MME: variants seen among roughly 807,000 people sequenced by gnomAD.
MME encodes the protein neprilysin.
Under a neutral mutation model 113.2 loss-of-function variants are expected in MME, and 98 were observed. The ratio of observed to expected loss-of-function variants is 0.87; its 90% CI spans 0.74 to 1.02. MME has a LOEUF of 1.02. MME is among the 50% of genes least tolerant of loss of function. MME has a pLI of 0.00. For missense variants in MME, 836 were observed against 896.0 expected (o/e 0.93, Z 0.86); for synonymous variants, 292 against 300.6 (o/e 0.97, Z 0.30).
chr3:155,041,948 T>G (rs1713336624), intron 1 of MME, among the ~76,000 whole-genome samples: 1 of 152,226 alleles, frequency 6.6e-6, no homozygotes, highest in African/African-American at 2.4e-5. Flanking sequence ...AAGAAAACTC[T>G]AAATATTTCT....
At chr3:155,163,071 A>T (rs1456400831) in intron 17 of MME, among the ~76,000 whole-genome samples, 1 of 151,730 alleles carries the variant, frequency 6.6e-6, no homozygotes, top group Non-Finnish European at 1.5e-5. Context: ...AAATACACAC[A>T]TACCTACCTA....
intron 1 of MME, among the ~76,000 whole-genome samples, chr3:155,055,094 T>A (rs1713881626): frequency 6.6e-6 from 1 of 152,170 alleles, no homozygotes; most frequent in Non-Finnish European, 1.5e-5. Context: ...AGAGGGGTAT[T>A]TATGTGTTCA....
chr3:155,078,814 C>T (rs533157278), upstream of MME, among the ~76,000 whole-genome samples: 3 of 152,030 alleles, frequency 2.0e-5, no homozygotes, highest in South Asian at 6.2e-4. Context: ...CTAAAGGTAG[C>T]TTTTACAAAG....
At chr3:155,160,834 G>A (rs1391643966) in intron 17 of MME, among the ~76,000 whole-genome samples, 1 of 152,026 alleles carries the variant, frequency 6.6e-6, no homozygotes, top group Admixed American at 6.6e-5. Flanking sequence ...GGTTTCAAGA[G>A]CCAACTTTTC....
chr3:155,140,367 T>C (rs1377522981), intron 10 of MME, 75 bp downstream of exon 10: 2 of 911,462 alleles, frequency 2.2e-6, no homozygotes, highest in African/African-American at 1.7e-5. Flanking sequence ...CTTTCTAAAA[T>C]TCGTCAAGTT....
chr3:155,074,264 A>T (rs538518195), intron 1 of MME, among the ~76,000 whole-genome samples: 8 of 151,972 alleles, frequency 5.3e-5, no homozygotes, highest in African/African-American at 1.9e-4. Context: ...TAGCTTTTTC[A>T]CTCCAAAATA....
intron 1 of MME, among the ~76,000 whole-genome samples, chr3:155,049,488 T>A (rs1051005768): frequency 6.6e-6 from 1 of 152,096 alleles, no homozygotes; most frequent in African/African-American, 2.4e-5. Context: ...CTGGAAGAAT[T>A]TTTAAGCCAC....
intron 1 of MME, among the ~76,000 whole-genome samples, chr3:155,055,578 C>T (rs1713896875): frequency 1.3e-5 from 2 of 148,516 alleles, no homozygotes; most frequent in South Asian, 4.2e-4. Flanking sequence ...GCCTGGAGGA[C>T]AGAGCAAGAC....
chr3:155,136,143 CTGAT>C (rs776079443), intron 8 of MME, among the ~76,000 whole-genome samples: 42 of 152,162 alleles, frequency 2.8e-4, no homozygotes, highest in Non-Finnish European at 5.7e-4. Context: ...GTTCTTTTGC[CTGAT>C]TGATTGATCT....
rs774835663 is a variant in MME, at chr3:155,144,501, T to C, written c.1416+44T>C. On this transcript the variant is annotated intron_variant, in intron 14 of 22. Transcript: ENST00000360490. ...ACTAGCAAAGAAAAATCTTTGCTAG[T>C]ATAGGAAAAATTAACTTTAAAAACA... is the stretch of plus-strand genomic sequence containing the variant. 6.3e-6 allele frequency: 8 copies of C among 1,278,142 alleles called. No individual in the cohort carries two copies. In the Admixed American group the frequency reaches 1.5e-4, roughly 23 times the overall value. 79.2% of individuals were successfully genotyped at this position (1,278,142 alleles called of 1,614,324 possible).
chr3:155,087,377 C>T (rs936150059), intron 3 of MME, among the ~76,000 whole-genome samples: 1 of 151,378 alleles, frequency 6.6e-6, no homozygotes, highest in African/African-American at 2.4e-5. Context: ...TAGCCATTTG[C>T]TGCTCGACAT....
At chr3:155,118,030 G>A (rs1718773533) in intron 7 of MME, among the ~76,000 whole-genome samples, 1 of 152,140 alleles carries the variant, frequency 6.6e-6, no homozygotes, top group Non-Finnish European at 1.5e-5. Flanking sequence ...TCCCACTTGG[G>A]TATTAAACAT....
At chr3:155,154,690 C>A (rs1467747909) in intron 16 of MME, among the ~76,000 whole-genome samples, 1 of 152,144 alleles carries the variant, frequency 6.6e-6, no homozygotes, top group African/African-American at 2.4e-5. Context: ...TTTCTAGAAC[C>A]AACCTTCTTT....
chr3:155,084,422 T>G, intron 2 of MME, 95 bp downstream of exon 2: 3 of 1,250,376 alleles, frequency 2.4e-6, no homozygotes, highest in Middle Eastern at 1.8e-4. Context: ...GTGTTAAGGA[T>G]AGAGGCACTT....
chr3:155,138,840 T>C (rs1012909227), intron 9 of MME, among the ~76,000 whole-genome samples: 8 of 152,172 alleles, frequency 5.3e-5, no homozygotes, highest in Admixed American at 4.6e-4. Flanking sequence ...CTGATGATTC[T>C]TTGATAGGGC....
chr3:155,028,293 A>G (rs540140253), intron 1 of MME, among the ~76,000 whole-genome samples: 3 of 152,338 alleles, frequency 2.0e-5, no homozygotes, highest in African/African-American at 7.2e-5. Context: ...ATGTGGCACA[A>G]CCTAATTAGA....
chr3:155,175,570 T>C (rs1356628967), intron 22 of MME, among the ~76,000 whole-genome samples: 1 of 151,962 alleles, frequency 6.6e-6, no homozygotes, highest in African/African-American at 2.4e-5. Flanking sequence ...ATTTTCTATA[T>C]AATATGTAAG....
Position 155,172,579 on chromosome 3 carries a change from T to C in MME, c.2120T>C (p.Ile707Thr). ...TYRPEYAVNS[I>T]KTDVHSPGNF... Reference sequence around the variant, plus strand: ...AGGCCAGAGTATGCGGTTAACTCCATTAAAACAGATGTGCACAGTCCAGGC... The same window carrying C: ...AGGCCAGAGTATGCGGTTAACTCCACTAAAACAGATGTGCACAGTCCAGGC... The change falls in exon 22 of 23, where the codon ATT (isoleucine) becomes ACT (threonine). Residue 707 changes from isoleucine to threonine, a missense_variant. By Grantham distance (89) the Ile-to-Thr change is moderately conservative (BLOSUM62 -1). Transcript: ENST00000360490. 6.2e-7 allele frequency: 1 copy of C among 1,613,124 alleles called. No homozygotes were observed. Among genetic ancestry groups the C allele is most frequent in the Non-Finnish European group, 8.5e-7 (1 of 1,179,278 alleles).
chr3:155,153,215 C>T (rs1206036771), intron 16 of MME, among the ~76,000 whole-genome samples: 2 of 151,832 alleles, frequency 1.3e-5, no homozygotes, highest in African/African-American at 2.4e-5. Context: ...TTAGTAGAGA[C>T]GGGGCTTCAC....
Sources: allele counts gnomAD v4.1 joint callset (sites outside exome capture counted in the v4.1 genomes callset), GRCh38; gene constraint gnomAD v4.1.1; transcripts MANE v1.5; gene names NCBI Gene and HGNC (gene_info 2026-07-23, HGNC 2026-07-21).